Variants in ABTB3 observed in about 807,000 individuals in gnomAD.
The protein encoded by ABTB3 is ankyrin repeat- and BTB/POZ domain-containing protein 3.
At chr12:107,324,942 A>G in the ABTB3 span, among the ~76,000 whole-genome samples, 1 of 152,236 alleles carries the variant, frequency 6.6e-6, no homozygotes, top group East Asian at 1.9e-4. Flanking sequence ...CTGTACAGTG[A>G]GGATTACAAA....
the ABTB3 span, among the ~76,000 whole-genome samples, chr12:107,347,681 C>T: frequency 1.3e-5 from 2 of 152,066 alleles, no homozygotes; most frequent in African/African-American, 4.8e-5. Flanking sequence ...TTAAGGGCTA[C>T]GTTCAAAACT....
chr12:107,504,208 C>A, the ABTB3 span, among the ~76,000 whole-genome samples: 2 of 152,164 alleles, frequency 1.3e-5, no homozygotes, highest in African/African-American at 4.8e-5. Flanking sequence ...ATTTAGTAAT[C>A]TTTGTATTTT....
At chr12:107,604,932 TA>T in the ABTB3 span, among the ~76,000 whole-genome samples, 2 of 151,908 alleles carry the variant, frequency 1.3e-5, no homozygotes, top group Non-Finnish European at 2.9e-5. Flanking sequence ...TATTCAGTCT[TA>T]AAAAAAAGAA....
At chr12:107,471,530 G>T in the ABTB3 span, among the ~76,000 whole-genome samples, 1 of 152,192 alleles carries the variant, frequency 6.6e-6, no homozygotes, top group African/African-American at 2.4e-5. Flanking sequence ...TGTGTGTCAG[G>T]TTCTGTACCC....
At chr12:107,567,724 T>C in the ABTB3 span, among the ~76,000 whole-genome samples, 4 of 152,184 alleles carry the variant, frequency 2.6e-5, no homozygotes, top group Admixed American at 2.0e-4. Context: ...CATTCGATTC[T>C]CACAGGAGCA....
the ABTB3 span, among the ~76,000 whole-genome samples, chr12:107,611,326 G>T: frequency 6.6e-6 from 1 of 152,110 alleles, no homozygotes; most frequent in African/African-American, 2.4e-5. Flanking sequence ...GACTACAGGT[G>T]TGCACCACCA....
At chr12:107,487,111 C>G in the ABTB3 span, among the ~76,000 whole-genome samples, 1 of 152,128 alleles carries the variant, frequency 6.6e-6, no homozygotes, top group Non-Finnish European at 1.5e-5. Flanking sequence ...AACAGAGGTA[C>G]CCTTCCTCTC....
chr12:107,583,234 G>A, the ABTB3 span, among the ~76,000 whole-genome samples: 9 of 152,152 alleles, frequency 5.9e-5, no homozygotes, highest in African/African-American at 1.7e-4. Context: ...TGCCTATAAA[G>A]CGGTCATTTT....
the ABTB3 span, among the ~76,000 whole-genome samples, chr12:107,629,288 T>C: frequency 6.6e-6 from 1 of 152,100 alleles, no homozygotes; most frequent in Non-Finnish European, 1.5e-5. Context: ...CTGGGCACAG[T>C]GGTGCACACC....
the ABTB3 span, among the ~76,000 whole-genome samples, chr12:107,433,386 G>C: frequency 4.0e-5 from 6 of 150,894 alleles, no homozygotes; most frequent in African/African-American, 1.5e-4. Flanking sequence ...CCATAAAGAT[G>C]AGTTATAATT....
the ABTB3 span, among the ~76,000 whole-genome samples, chr12:107,419,100 T>C: frequency 1.2e-4 from 18 of 152,224 alleles, no homozygotes; most frequent in African/African-American, 4.3e-4. Flanking sequence ...GTCATGAGGT[T>C]GCATACCCCC....
At chr12:107,456,398 A>T in the ABTB3 span, among the ~76,000 whole-genome samples, 12 of 152,368 alleles carry the variant, frequency 7.9e-5, no homozygotes, top group African/African-American at 2.9e-4. Context: ...AAGCGGCAGC[A>T]TTAGATTCTC....
the ABTB3 span, among the ~76,000 whole-genome samples, chr12:107,457,154 G>T: frequency 6.6e-6 from 1 of 152,228 alleles, no homozygotes; most frequent in Admixed American, 6.5e-5. Context: ...AAGCCACCGT[G>T]CTCGGCCCTA....
chr12:107,544,105 G>C, the ABTB3 span: 1 of 1,614,080 alleles, frequency 6.2e-7, no homozygotes, highest in Non-Finnish European at 8.5e-7. Flanking sequence ...AAACCCCAAC[G>C]TGGAGCCTTC....
At chr12:107,482,124 A>T in the ABTB3 span, among the ~76,000 whole-genome samples, 1 of 152,004 alleles carries the variant, frequency 6.6e-6, no homozygotes, top group South Asian at 2.1e-4. Context: ...TGGGGATGCT[A>T]TTACCAGAAG....
At chr12:107,503,713 C>T in the ABTB3 span, among the ~76,000 whole-genome samples, 8 of 143,570 alleles carry the variant, frequency 5.6e-5, no homozygotes, top group East Asian at 2.2e-4. Context: ...GCTGTGATTG[C>T]GCCACTGCCC....
chr12:107,412,479 T>C, the ABTB3 span, among the ~76,000 whole-genome samples: 1 of 152,158 alleles, frequency 6.6e-6, no homozygotes, highest in Non-Finnish European at 1.5e-5. Flanking sequence ...GTTCATGAAA[T>C]TGCACTAACC....
chr12:107,565,804 G>A, the ABTB3 span, among the ~76,000 whole-genome samples: 1 of 152,142 alleles, frequency 6.6e-6, no homozygotes, highest in Non-Finnish European at 1.5e-5. Flanking sequence ...AGGCAGGCAG[G>A]GGCACACGTG....
the ABTB3 span, among the ~76,000 whole-genome samples, chr12:107,430,682 T>C: frequency 1.3e-5 from 2 of 152,230 alleles, no homozygotes; most frequent in African/African-American, 4.8e-5. Context: ...TTCTTGTGCC[T>C]GACTTTAGTG....
Sources: allele counts gnomAD v4.1 joint callset (sites outside exome capture counted in the v4.1 genomes callset), GRCh38; gene constraint gnomAD v4.1.1; transcripts MANE v1.5; gene names NCBI Gene and HGNC (gene_info 2026-07-23, HGNC 2026-07-21).